INPP5F: variants seen among roughly 807,000 people sequenced by gnomAD.
The protein encoded by INPP5F is phosphatidylinositide 4-phosphatase SAC2.
Under a neutral mutation model 137.2 loss-of-function variants are expected in INPP5F, and 97 were observed. The observed-to-expected ratio is 0.71, with a 90% confidence interval of 0.60 to 0.84. The LOEUF (loss-of-function observed/expected upper bound fraction) is 0.84. Ranked by LOEUF, INPP5F falls within the 40% of genes least tolerant of loss-of-function variation. The probability of loss-of-function intolerance (pLI) is 0.00; values close to 1 mark genes in which losing one functional copy is unlikely to be tolerated. For missense variants in INPP5F, 1,271 were observed against 1,371.9 expected (o/e 0.93, Z 1.16); for synonymous variants, 504 against 476.9 (o/e 1.06, Z -0.74).
At chr10:119,825,543 C>T (rs1385429122) in intron 19 of INPP5F, among the ~76,000 whole-genome samples, 1 of 152,144 alleles carries the variant, frequency 6.6e-6, no homozygotes, top group Non-Finnish European at 1.5e-5. Context: ...ATTTTGCCAT[C>T]CTTGACACAA....
chr10:119,805,393 G>A lies in INPP5F; in HGVS notation c.1251G>A (p.Met417Ile). 6.2e-7 allele frequency: 1 copy of A among 1,611,890 alleles called. No homozygotes were observed. The highest frequency in any genetic ancestry group is 8.5e-7 in the Non-Finnish European group (1 of 1,178,408). The change falls in exon 11 of 20, where the codon ATG becomes ATA. Residue 417 changes from methionine to isoleucine, a missense_variant. Around this residue, in one of 6 missense-constraint regions of INPP5F, gnomAD observed 593 missense variants for 712.4 expected, o/e 0.83. Transcript: ENST00000650623. ...TTGGCATGGATTTTAGCCGAGGAAT[G>A]AAGTTTGAGAATGTTCAGACACTAA... Reference protein sequence around the residue: ...SFDFHEHCRGMKFENVQTLTD... With the variant: ...SFDFHEHCRGIKFENVQTLTD...
intron 2 of INPP5F, among the ~76,000 whole-genome samples, chr10:119,770,260 C>T (rs1200795764): frequency 6.6e-6 from 1 of 152,192 alleles, no homozygotes; most frequent in African/African-American, 2.4e-5. Context: ...TTTATGCCAT[C>T]AGACCTTGCT....
intron 2 of INPP5F, among the ~76,000 whole-genome samples, chr10:119,760,497 CTG>C (rs1008375746): frequency 6.6e-5 from 10 of 152,200 alleles, no homozygotes; most frequent in African/African-American, 2.4e-4. Context: ...GTAAAAATGA[CTG>C]TGTGGGCCAC....
chr10:119,734,666 C>A (rs981925584), intron 1 of INPP5F, among the ~76,000 whole-genome samples: 1 of 152,160 alleles, frequency 6.6e-6, no homozygotes, highest in Non-Finnish European at 1.5e-5. Context: ...TCAATACATT[C>A]TCAGAATCAT....
chr10:119,773,986 C>G (rs555548687), intron 2 of INPP5F, among the ~76,000 whole-genome samples: 1 of 152,016 alleles, frequency 6.6e-6, no homozygotes, highest in Non-Finnish European at 1.5e-5. Context: ...ATTTCCTGGC[C>G]GGGCTCAGTG....
chr10:119,735,283 AT>A (rs1848187609), intron 1 of INPP5F, among the ~76,000 whole-genome samples: 1 of 152,076 alleles, frequency 6.6e-6, no homozygotes, highest in Non-Finnish European at 1.5e-5. Context: ...AAGTTATTTT[AT>A]TTTAATTTCA....
chr10:119,752,966 A>G (rs1168839051), intron 2 of INPP5F, among the ~76,000 whole-genome samples: 1 of 139,122 alleles, frequency 7.2e-6, no homozygotes, highest in Non-Finnish European at 1.6e-5. Flanking sequence ...TTTTTTTGCT[A>G]TTAGAACTAA....
chr10:119,726,063 G>C lies in INPP5F; in HGVS notation c.-200G>C, dbSNP rs1264540295. ...AGGAGCGGGGGGGAGAGGCCTCTAC[G>C]GCCGCCGCTGCCGCCGCCGCTGCCG... On this transcript the variant is annotated 5_prime_UTR_variant, in exon 1 of 20. Transcript: ENST00000650623. The C allele has an allele frequency of 8.2e-6, 3 of 366,010 alleles. No homozygotes were observed. The highest frequency in any genetic ancestry group is 2.2e-5 in the African/African-American group (1 of 46,378). The allele number at this position is 366,010 out of a possible 1,614,324, so 22.7% of individuals were successfully genotyped here.
rs142043351 is a variant in INPP5F, at chr10:119,805,952, G to C, written c.1320-408G>C. 7.4e-4 allele frequency among the ~76,000 whole-genome samples: 112 copies of C among 152,322 alleles called. 2 individuals are homozygous for C. In the South Asian group the frequency reaches 8.1e-3, roughly 11 times the overall value. On this transcript the variant is annotated intron_variant, in intron 11 of 19. Transcript: ENST00000650623. ...AGAAATTAGATGAGCAAGCCATGCT[G>C]TGTGCCTCCTCACTGGGGGGTAAAA...
At position 119,823,160 on chromosome 10, in the gene INPP5F, T is replaced by C. The variant is rs772598404; in HGVS notation, c.2122T>C (p.Leu708=). 8.7e-6 allele frequency: 14 copies of C among 1,613,930 alleles called. No homozygotes were observed. The East Asian group carries it at 2.7e-4, about 31-fold the overall frequency. The change falls in exon 18 of 20, where the codon TTG becomes CTG. Residue 708 remains leucine (L), a synonymous_variant. Transcript: ENST00000650623. ...YKEASGYFHT[L]RAVMRNPEED... is the part of the protein sequence containing the mutation. ...AGAAGCGAGTGGCTATTTCCACACATTGCGAGCTGTAATGCGTAATCCTGA... is the reference window on the plus strand; with the variant it reads ...AGAAGCGAGTGGCTATTTCCACACACTGCGAGCTGTAATGCGTAATCCTGA...
rs528336585 is a variant in INPP5F, at chr10:119,761,258, A to G, written c.178+10102A>G. 2.8e-4 allele frequency among the ~76,000 whole-genome samples: 42 copies of G among 152,306 alleles called. 1 individual carries two copies. In the South Asian group the frequency reaches 4.4e-3, roughly 16 times the overall value. ...GTCTCTTGCTCTAGATGCTCTCCCT[A>G]TGAGTCATTGTCAGTTTTCTATAAA... is the stretch of plus-strand genomic sequence containing the variant. On this transcript the variant is annotated intron_variant, in intron 2 of 19. Coordinates refer to ENST00000650623, the MANE Select transcript of INPP5F (RefSeq NM_014937.4).
rs1182313473 is a variant in INPP5F, at chr10:119,797,621, A to C, written c.1029A>C (p.Pro343=). ...GCCAGGTTGGGTATCGATATAACCC[A>C]AGACCGCGGCTGGACAGAAGTAAGC... ...FWSQVGYRYN[P]RPRLDRSEKE... Residue 343 remains proline (P), a synonymous_variant, in exon 8 of 20, where the codon CCA becomes CCC. Transcript: ENST00000650623. 1.2e-6 allele frequency: 2 copies of C among 1,612,156 alleles called. No individual in the cohort carries two copies. The highest frequency in any genetic ancestry group is 4.5e-5 in the East Asian group (2 of 44,870).
chr10:119,802,767 C>T (rs1290758626), intron 9 of INPP5F, among the ~76,000 whole-genome samples: 4 of 152,022 alleles, frequency 2.6e-5, no homozygotes, highest in Non-Finnish European at 5.9e-5. Flanking sequence ...AATTTGATAC[C>T]ACTCTGTTGC....
intron 1 of INPP5F, among the ~76,000 whole-genome samples, chr10:119,739,312 CA>C (rs1249712008): frequency 3.9e-5 from 6 of 151,996 alleles, no homozygotes; most frequent in Non-Finnish European, 8.8e-5. Context: ...ATTAAAAATC[CA>C]AGCTCATTCC....
At position 119,726,078 on chromosome 10, in the gene INPP5F, C is replaced by T. The variant is rs965899140; in HGVS notation, c.-185C>T. On this transcript the variant is annotated 5_prime_UTR_variant, in exon 1 of 20. Transcript: ENST00000650623. ...AGGCCTCTACGGCCGCCGCTGCCGC[C>T]GCCGCTGCCGGGGCGCGTTCTCCTC... 8.1e-6 allele frequency: 3 copies of T among 372,212 alleles called. No individual in the cohort carries two copies. Among genetic ancestry groups the T allele is most frequent in the South Asian group, 7.3e-5 (1 of 13,750 alleles). The allele number at this position is 372,212 out of a possible 1,614,324, so 23.1% of individuals were successfully genotyped here.
intron 1 of INPP5F, among the ~76,000 whole-genome samples, chr10:119,738,062 T>C (rs1848265956): frequency 6.6e-6 from 1 of 152,210 alleles, no homozygotes; most frequent in Non-Finnish European, 1.5e-5. Flanking sequence ...ACTTGTTTTC[T>C]GTGTACCAGG....
chr10:119,814,378 C>T (rs576937021), intron 15 of INPP5F: 1 of 152,044 alleles, frequency 6.6e-6, no homozygotes, highest in East Asian at 1.9e-4. Flanking sequence ...CAGAGTGAGG[C>T]TCCATCTCAA....
chr10:119,791,460 C>T (rs1850140695), intron 3 of INPP5F, 57 bp from the exon 4 acceptor site: 11 of 1,406,294 alleles, frequency 7.8e-6, no homozygotes, highest in Non-Finnish European at 1.1e-5. Context: ...CTTTTGCACT[C>T]GAACATTTAA....
chr10:119,807,170 G>A (rs1589738453), intron 12 of INPP5F, among the ~76,000 whole-genome samples: 1 of 152,306 alleles, frequency 6.6e-6, no homozygotes, highest in Middle Eastern at 3.4e-3. Flanking sequence ...CTACTCGGGA[G>A]GCTAAGGCAT....
Sources: allele counts gnomAD v4.1 joint callset (sites outside exome capture counted in the v4.1 genomes callset), GRCh38; gene constraint gnomAD v4.1.1; regional missense constraint gnomAD v4.1.1; transcripts MANE v1.5; gene names NCBI Gene and HGNC (gene_info 2026-07-23, HGNC 2026-07-21).